The following P4HA1 variants were observed in gnomAD, a reference collection of about 807,000 sequenced individuals.
P4HA1 encodes prolyl 4-hydroxylase subunit alpha-1.
Under a neutral mutation model 72.8 loss-of-function variants are expected in P4HA1, and 24 were observed. The ratio of observed to expected loss-of-function variants is 0.33; its 90% CI spans 0.24 to 0.46. The LOEUF (loss-of-function observed/expected upper bound fraction) is 0.46, where lower values mean the gene tolerates loss of function less well. P4HA1 is among the 20% of genes least tolerant of loss of function. The probability of loss-of-function intolerance (pLI) is 1.00; values close to 1 mark genes in which losing one functional copy is unlikely to be tolerated. For missense variants in P4HA1, 446 were observed against 640.6 expected (o/e 0.70, Z 3.28); for synonymous variants, 201 against 218.8 (o/e 0.92, Z 0.72).
chr10:73,090,874 A>G (rs1201522451), intron 1 of P4HA1, among the ~76,000 whole-genome samples: 2 of 151,882 alleles, frequency 1.3e-5, no homozygotes, highest in Admixed American at 6.6e-5. Flanking sequence ...CCGCCCGGCC[A>G]AGATGGTGAC....
chr10:73,019,030 T>G (rs1163156338), intron 10 of P4HA1, among the ~76,000 whole-genome samples: 1 of 151,080 alleles, frequency 6.6e-6, no homozygotes, highest in African/African-American at 2.5e-5. Context: ...GTAGGATATG[T>G]AAGACCTGCC....
At chr10:73,057,739 A>G (rs1184593923) in intron 5 of P4HA1, among the ~76,000 whole-genome samples, 2 of 152,160 alleles carry the variant, frequency 1.3e-5, no homozygotes, top group African/African-American at 2.4e-5. Context: ...TTCCAAAAGG[A>G]AAGTCTGAGG....
chr10:73,045,107 T>C (rs150524379), intron 8 of P4HA1, 56 bp from the exon 9 acceptor site: 17,786 of 1,401,186 alleles, frequency 0.013, 157 homozygotes, highest in Non-Finnish European at 0.016. Context: ...TGAATCACAT[T>C]TACCCAACCA....
intron 5 of P4HA1, among the ~76,000 whole-genome samples, chr10:73,058,057 T>C (rs138399945): frequency 0.037 from 4,417 of 118,420 alleles, 223 homozygotes; most frequent in African/African-American, 0.13. Flanking sequence ...ACCACTGCAC[T>C]CCAGTCTGGG....
intron 9 of P4HA1, among the ~76,000 whole-genome samples, chr10:73,032,518 TCTC>T (rs1177879143): frequency 6.6e-6 from 1 of 152,198 alleles, no homozygotes; most frequent in Non-Finnish European, 1.5e-5. Context: ...TTTTTCTTGG[TCTC>T]CTAATTTACA....
At chr10:73,070,499 A>AT (rs1841534190) in intron 4 of P4HA1, among the ~76,000 whole-genome samples, 2 of 151,984 alleles carry the variant, frequency 1.3e-5, no homozygotes. Flanking sequence ...TATCAAGCAT[A>AT]TTTTTATGCT....
At chr10:73,027,595 A>T (rs1840309621) in intron 10 of P4HA1, among the ~76,000 whole-genome samples, 1 of 109,394 alleles carries the variant, frequency 9.1e-6, no homozygotes, top group Non-Finnish European at 1.8e-5. Context: ...CTTAAAGTAT[A>T]AAAAAAAAAA....
At chr10:73,068,369 T>C (rs1322745970) in intron 5 of P4HA1, among the ~76,000 whole-genome samples, 1 of 152,108 alleles carries the variant, frequency 6.6e-6, no homozygotes, top group Non-Finnish European at 1.5e-5. Flanking sequence ...AAAGCAACTG[T>C]AACTTAAAAA....
In P4HA1 at chr10:73,030,260, T is replaced by G; in HGVS notation, c.1248+11A>C. ...GTGTAAAAATGACTTAAGGATAATGTGATTACCTACCTGTAATTCCTCTGC... is the reference window on the plus strand; with the variant it reads ...GTGTAAAAATGACTTAAGGATAATGGGATTACCTACCTGTAATTCCTCTGC... On this transcript the variant is annotated intron_variant, in intron 10 of 14. Transcript: ENST00000394890. 2 of 1,392,932 alleles carry G rather than the reference T, an allele frequency of 1.4e-6. No homozygotes were observed. The highest frequency in any genetic ancestry group is 2.7e-5 in the South Asian group (2 of 73,058). The allele number at this position is 1,392,932 out of a possible 1,614,324, so 86.3% of individuals were successfully genotyped here.
intron 5 of P4HA1, among the ~76,000 whole-genome samples, chr10:73,059,616 G>A (rs1160331836): frequency 2.0e-5 from 3 of 150,836 alleles, no homozygotes; most frequent in African/African-American, 4.8e-5. Context: ...GGTGGCGGGC[G>A]CCTATAGTGC....
intron 1 of P4HA1, among the ~76,000 whole-genome samples, chr10:73,090,750 T>C (rs1005742139): frequency 5.3e-5 from 8 of 152,036 alleles, no homozygotes; most frequent in African/African-American, 1.7e-4. Flanking sequence ...ATTTTCAAAA[T>C]ATCTTTGAGG....
chr10:73,087,157 T>C (rs935150283), intron 1 of P4HA1, among the ~76,000 whole-genome samples: 23 of 137,676 alleles, frequency 1.7e-4, no homozygotes, highest in African/African-American at 3.5e-4. Flanking sequence ...TGTATTGCCG[T>C]TTTTTCCTTA....
At chr10:73,027,767 AGGAAGGAAGGAAGCAAGCAAACAT>A (rs1176233566) in intron 10 of P4HA1, among the ~76,000 whole-genome samples, 5 of 143,940 alleles carry the variant, frequency 3.5e-5, no homozygotes, top group Non-Finnish European at 6.1e-5. Context: ...AAGGGAAGGA[AGGAAGGAAGGAAGCAAGCAAACAT>A]GGAAGGAAGG....
chr10:73,068,740 A>G (rs1408572717), intron 5 of P4HA1, 106 bp downstream of exon 5: 12 of 939,858 alleles, frequency 1.3e-5, no homozygotes, highest in Non-Finnish European at 1.6e-5. Context: ...ACAAACTACA[A>G]TTTAAAATCT....
chr10:73,077,316 A>G (rs1841720534), intron 1 of P4HA1, among the ~76,000 whole-genome samples: 1 of 152,224 alleles, frequency 6.6e-6, no homozygotes, highest in Admixed American at 6.6e-5. Context: ...AACTCTGATA[A>G]GAGAGTTTAG....
chr10:73,061,887 C>A (rs1237211142), intron 5 of P4HA1, among the ~76,000 whole-genome samples: 1 of 152,148 alleles, frequency 6.6e-6, no homozygotes, highest in Admixed American at 6.5e-5. Context: ...GGTGTGGTGG[C>A]ACGCACCTAT....
At position 73,008,297 on chromosome 10, in the gene P4HA1, G is replaced by A; in HGVS notation, c.1535-5C>T. 1 of 1,543,244 alleles carries A rather than the reference G, an allele frequency of 6.5e-7. No individual in the cohort carries two copies. ...CATGGAGCCATTTATTGGATACTGT[G>A]AGAGAAAAGTAATATATTAATTTTC... On this transcript the variant is annotated splice_polypyrimidine_tract_variant and splice_region_variant and intron_variant, in intron 14 of 14. Transcript: ENST00000394890.
chr10:73,032,498 C>G (rs751467808), intron 9 of P4HA1, among the ~76,000 whole-genome samples: 33 of 152,204 alleles, frequency 2.2e-4, no homozygotes, highest in Non-Finnish European at 2.5e-4. Context: ...CCTCTAGTAT[C>G]TCAGGCTGCT....
At chr10:73,053,320 T>C (rs1448405882) in intron 6 of P4HA1, 31 bp downstream of exon 6, 2 of 1,606,002 alleles carry the variant, frequency 1.2e-6, no homozygotes, top group South Asian at 1.1e-5. Context: ...TCAATATAAC[T>C]ATAACCTTAA....
Sources: allele counts gnomAD v4.1 joint callset (sites outside exome capture counted in the v4.1 genomes callset), GRCh38; gene constraint gnomAD v4.1.1; transcripts MANE v1.5; gene names NCBI Gene and HGNC (gene_info 2026-07-23, HGNC 2026-07-21).